Variants in BTC observed in about 807,000 individuals in gnomAD.
The protein encoded by BTC is probetacellulin.
A neutral mutation model predicts 18.1 loss-of-function variants in BTC; 13 were observed. The ratio of observed to expected loss-of-function variants is 0.72; its 90% CI spans 0.47 to 1.14. The LOEUF is 1.14. BTC is among the 50% of genes most tolerant of loss of function. The probability of loss-of-function intolerance (pLI) is 0.00; values close to 1 mark genes in which losing one functional copy is unlikely to be tolerated. For missense variants in BTC, 247 were observed against 224.2 expected (o/e 1.10, Z -0.65); for synonymous variants, 83 against 79.4 (o/e 1.05, Z -0.24).
At chr4:74,759,093 A>C (rs192537405) in intron 2 of BTC, among the ~76,000 whole-genome samples, 68 of 152,286 alleles carry the variant, frequency 4.5e-4, no homozygotes, top group African/African-American at 1.6e-3. Context: ...GTATTCATCA[A>C]GTTCATGTTA....
rs782732903 is a variant in BTC, at chr4:74,746,284, A to G, written c.*393T>C. On this transcript the variant is annotated 3_prime_UTR_variant, in exon 6 of 6. Coordinates refer to ENST00000395743, the MANE Select transcript of BTC (RefSeq NM_001729.4). ...ATGGATTGCTGAAAGGAATAAAGGA[A>G]ATAATATATTTCAAACTTATTAGCA... 1 of 152,246 alleles carries G rather than the reference A, an allele frequency of 6.6e-6. No homozygotes were observed. Among genetic ancestry groups the G allele is most frequent in the African/African-American group, 2.4e-5 (1 of 41,468 alleles). The allele number at this position is 152,246 out of a possible 1,614,324, so 9.4% of individuals were successfully genotyped here.
chr4:74,794,210 C>T (rs1296232620), intron 1 of BTC, 52 bp downstream of exon 1: 3 of 1,547,850 alleles, frequency 1.9e-6, no homozygotes, highest in South Asian at 2.4e-5. Context: ...CTCCCCGCGA[C>T]TCCAGCCCCA....
chr4:74,763,428 C>T (rs1031017235), intron 2 of BTC, among the ~76,000 whole-genome samples: 1 of 152,064 alleles, frequency 6.6e-6, no homozygotes, highest in Non-Finnish European at 1.5e-5. Flanking sequence ...GTAGAGACTA[C>T]AGTATATGGT....
chr4:74,750,182 C>T (rs1724421036), intron 4 of BTC, among the ~76,000 whole-genome samples: 1 of 152,062 alleles, frequency 6.6e-6, no homozygotes, highest in Non-Finnish European at 1.5e-5. Flanking sequence ...TTTCAAAGTT[C>T]TGGTATATAA....
At chr4:74,779,646 G>A (rs1279687478) in intron 1 of BTC, among the ~76,000 whole-genome samples, 1 of 152,144 alleles carries the variant, frequency 6.6e-6, no homozygotes, top group Non-Finnish European at 1.5e-5. Context: ...AGGTGAAACT[G>A]TGGCATTGGT....
intron 2 of BTC, among the ~76,000 whole-genome samples, chr4:74,758,879 G>A (rs782267202): frequency 1.3e-5 from 2 of 152,142 alleles, no homozygotes; most frequent in East Asian, 1.9e-4. Context: ...AATGTCCAGC[G>A]ATTTCTTTAT....
In BTC at chr4:74,794,263, C is replaced by G. The variant is rs1362748833; in HGVS notation, c.63G>C (p.Leu21=). ...SSLPLLLALA[L]GLVILHCVVA... is the part of the protein sequence containing the mutation. Reference sequence around the variant, plus strand: ...CCAGTGCCCAGCACGGCCACTTACCCAGGGCAAGGGCCAGGAGCAGTGGCA... The same window carrying G: ...CCAGTGCCCAGCACGGCCACTTACCGAGGGCAAGGGCCAGGAGCAGTGGCA... Residue 21 remains leucine (L), a splice_region_variant and synonymous_variant, in exon 1 of 6, where the codon CTG becomes CTC. Transcript: ENST00000395743. The G allele has an allele frequency of 7.1e-6, 11 of 1,550,166 alleles. No individual in the cohort carries two copies. The highest frequency in any genetic ancestry group is 1.2e-5 in the South Asian group (1 of 84,040).
At chr4:74,758,394 G>A (rs1232036841) in intron 2 of BTC, among the ~76,000 whole-genome samples, 1 of 152,104 alleles carries the variant, frequency 6.6e-6, no homozygotes, top group African/African-American at 2.4e-5. Context: ...TATAGACTGG[G>A]CTCTTAGTGG....
Position 74,781,420 on chromosome 4 carries a change from T to C in BTC, c.65-11264A>G, listed in dbSNP as rs571535415. Among the ~76,000 whole-genome samples the C allele has an allele frequency of 5.9e-5, 9 of 151,448 alleles. No homozygotes were observed. In the South Asian group the frequency reaches 1.9e-3, roughly 32 times the overall value. The stretch of plus-strand genomic sequence containing the variant: ...GTGTGTGTGTGTGTGTGTGTGTGGC[T>C]TCAGTTACCAACAATCTCTTATCCC... On this transcript the variant is annotated intron_variant, in intron 1 of 5. Coordinates refer to ENST00000395743, the MANE Select transcript of BTC (RefSeq NM_001729.4).
intron 1 of BTC, among the ~76,000 whole-genome samples, chr4:74,779,406 A>T (rs895981267): frequency 3.3e-5 from 5 of 152,052 alleles, no homozygotes; most frequent in Non-Finnish European, 7.4e-5. Flanking sequence ...TTTAATAGGA[A>T]CTCCAAAATA....
At chr4:74,751,413 CT>C in intron 3 of BTC, among the ~76,000 whole-genome samples, 1 of 152,248 alleles carries the variant, frequency 6.6e-6, no homozygotes. Context: ...TCCTCTTTAG[CT>C]CCTTTATCTG....
chr4:74,791,824 T>A (rs1725637116), intron 1 of BTC, among the ~76,000 whole-genome samples: 1 of 152,182 alleles, frequency 6.6e-6, no homozygotes, highest in African/African-American at 2.4e-5. Context: ...GGCATCACCA[T>A]CTAATGAAAC....
intron 3 of BTC, among the ~76,000 whole-genome samples, chr4:74,752,815 T>C (rs1724499322): frequency 6.6e-6 from 1 of 152,244 alleles, no homozygotes; most frequent in African/African-American, 2.4e-5. Context: ...GTGGTATTTT[T>C]AAACAATAGC....
intron 1 of BTC, among the ~76,000 whole-genome samples, chr4:74,785,774 C>T (rs1014276666): frequency 2.6e-5 from 4 of 152,162 alleles, no homozygotes; most frequent in African/African-American, 7.2e-5. Flanking sequence ...TAAGAAAAAA[C>T]TATCACCTCA....
rs559286269 is a variant in BTC, at chr4:74,754,610, T to C, written c.281+1249A>G. Reference sequence around the variant, plus strand: ...ATATAATAAATCATGAAATGAAATGTAGAATTTTAGAAAAGCACTTAGGAA... The same window carrying C: ...ATATAATAAATCATGAAATGAAATGCAGAATTTTAGAAAAGCACTTAGGAA... On this transcript the variant is annotated intron_variant, in intron 3 of 5. Coordinates refer to ENST00000395743, the MANE Select transcript of BTC (RefSeq NM_001729.4). 6.0e-4 allele frequency among the ~76,000 whole-genome samples: 91 copies of C among 152,194 alleles called. 1 individual carries two copies. Among genetic ancestry groups the C allele is most frequent in the Non-Finnish European group, 1.2e-3 (82 of 68,028 alleles).
chr4:74,772,996 C>T (rs1725085021), intron 1 of BTC, among the ~76,000 whole-genome samples: 1 of 152,144 alleles, frequency 6.6e-6, no homozygotes, highest in South Asian at 2.1e-4. Context: ...GTTTGCTGTC[C>T]TCACAGGTGG....
intron 1 of BTC, among the ~76,000 whole-genome samples, chr4:74,791,228 G>A (rs906105345): frequency 3.9e-5 from 6 of 152,190 alleles, no homozygotes; most frequent in African/African-American, 1.2e-4. Context: ...TGTTGTCCCA[G>A]CTACTCGAGA....
At chr4:74,785,725 T>C (rs10014189) in intron 1 of BTC, among the ~76,000 whole-genome samples, 4 of 152,074 alleles carry the variant, frequency 2.6e-5, no homozygotes, top group African/African-American at 9.7e-5. Flanking sequence ...CTTCCTCTAA[T>C]GTTATCATCT....
chr4:74,745,580 T>C lies in BTC; in HGVS notation c.*1097A>G, dbSNP rs929997668. ...TGGAGTAAAGGAGCACTTGGCAAGATGGTCCCAAGTAATAGATGTTATGGT... is the reference window on the plus strand; with the variant it reads ...TGGAGTAAAGGAGCACTTGGCAAGACGGTCCCAAGTAATAGATGTTATGGT... On this transcript the variant is annotated 3_prime_UTR_variant, in exon 6 of 6. Transcript: ENST00000395743. The C allele has an allele frequency of 6.6e-6, 1 of 152,186 alleles. No homozygotes were observed. The highest frequency in any genetic ancestry group is 1.5e-5 in the Non-Finnish European group (1 of 68,024). 9.4% of individuals were successfully genotyped at this position (152,186 alleles called of 1,614,324 possible).
Sources: gnomAD v4.1 joint callset for allele counts (sites outside exome capture counted in the v4.1 genomes callset) on GRCh38, gnomAD v4.1.1 for gene constraint, MANE v1.5 for transcripts, NCBI Gene and HGNC (gene_info 2026-07-23, HGNC 2026-07-21) for gene names.